The following ZNF516 variants were observed in gnomAD, a reference collection of about 807,000 sequenced individuals.
ZNF516 encodes zinc finger protein 516.
In ZNF516, 19 loss-of-function variants were observed where a neutral mutation model predicts 79.7. The observed-to-expected ratio is 0.24, with a 90% CI of 0.17 to 0.35. ZNF516 has a LOEUF of 0.35. Among genes scored for constraint, ZNF516 ranks in the 10% least tolerant of loss-of-function variants. The pLI, the probability that ZNF516 is intolerant of heterozygous loss-of-function variation, is 1.00. For missense variants in ZNF516, 1,678 were observed against 1,679.5 expected (o/e 1.00, Z 0.02); for synonymous variants, 877 against 739.5 (o/e 1.19, Z -3.02).
intron 1 of ZNF516, among the ~76,000 whole-genome samples, chr18:76,472,479 G>A (rs1651899591): frequency 6.6e-6 from 1 of 152,202 alleles, no homozygotes; most frequent in Non-Finnish European, 1.5e-5. Flanking sequence ...GTATATACAC[G>A]TACACTCAGG....
chr18:76,422,367 G>A (rs887060880), intron 3 of ZNF516, among the ~76,000 whole-genome samples: 4 of 152,206 alleles, frequency 2.6e-5, no homozygotes, highest in Non-Finnish European at 5.9e-5. Context: ...TGATGACCAT[G>A]TACTCATACA....
intron 2 of ZNF516, among the ~76,000 whole-genome samples, chr18:76,449,711 A>G (rs181381965): frequency 6.6e-6 from 1 of 152,398 alleles, no homozygotes; most frequent in East Asian, 1.9e-4. Flanking sequence ...AGACGGGATT[A>G]ATAAGTAATT....
In ZNF516 at chr18:76,378,898, G is replaced by A; in HGVS notation, c.3216C>T (p.Leu1072=). Residue 1072 remains leucine (L), a synonymous_variant, in exon 4 of 7, where the codon CTC becomes CTT. Coordinates refer to ENST00000443185, the MANE Select transcript of ZNF516 (RefSeq NM_014643.4). ...KTYIPKDFAT[L]YQGWGVSGPG... ...GGCCGCTGACACCCCATCCCTGGTAGAGGGTCGCAAAGTCCTTTGGAATGT... is the reference window on the plus strand; with the variant it reads ...GGCCGCTGACACCCCATCCCTGGTAAAGGGTCGCAAAGTCCTTTGGAATGT... 6.2e-7 allele frequency: 1 copy of A among 1,613,762 alleles called. No homozygotes were observed. The highest frequency in any genetic ancestry group is 2.2e-5 in the East Asian group (1 of 44,880).
At position 76,456,603 on chromosome 18, in the gene ZNF516, G is replaced by C. The variant is rs74648617; in HGVS notation, c.-158+6425C>G. ...ATCCACAGCCCAGGCTTCCTCCCGG[G>C]AATGTGTGTGTGGCTCATCCTCACT... On this transcript the variant is annotated intron_variant, in intron 2 of 6. Coordinates refer to ENST00000443185, the MANE Select transcript of ZNF516 (RefSeq NM_014643.4). Among the ~76,000 whole-genome samples the C allele has an allele frequency of 1.3e-3, 195 of 152,226 alleles. 2 individuals carry two copies. The highest frequency in any genetic ancestry group is 4.3e-3 in the African/African-American group (178 of 41,512).
chr18:76,438,711 C>A (rs1482105975), intron 3 of ZNF516, among the ~76,000 whole-genome samples: 1 of 152,188 alleles, frequency 6.6e-6, no homozygotes, highest in Non-Finnish European at 1.5e-5. Flanking sequence ...GTTTCTTTCA[C>A]TTAATCTAAT....
chr18:76,372,000 G>A (rs767537669), intron 4 of ZNF516, among the ~76,000 whole-genome samples: 5 of 152,154 alleles, frequency 3.3e-5, no homozygotes, highest in East Asian at 1.9e-4. Flanking sequence ...TGACCCGGCC[G>A]CGATCCTGGG....
chr18:76,461,569 G>A (rs953439285), intron 2 of ZNF516, among the ~76,000 whole-genome samples: 1 of 152,188 alleles, frequency 6.6e-6, no homozygotes, highest in Non-Finnish European at 1.5e-5. Context: ...TATAACTTCT[G>A]CAATTGTCAG....
intron 1 of ZNF516, among the ~76,000 whole-genome samples, chr18:76,485,448 C>T (rs1188067188): frequency 6.6e-6 from 1 of 152,186 alleles, no homozygotes; most frequent in Non-Finnish European, 1.5e-5. Context: ...CCCCAGCCCA[C>T]CTTTCAGTCC....
intron 3 of ZNF516, among the ~76,000 whole-genome samples, chr18:76,413,350 C>T (rs1473942354): frequency 3.3e-5 from 5 of 152,254 alleles, no homozygotes; most frequent in East Asian, 3.9e-4. Flanking sequence ...CTCTGGCGGA[C>T]GCCAGGCTCC....
intron 3 of ZNF516, among the ~76,000 whole-genome samples, chr18:76,390,453 C>T (rs1438180059): frequency 6.6e-6 from 1 of 152,212 alleles, no homozygotes; most frequent in Non-Finnish European, 1.5e-5. Context: ...GCAGGTCACC[C>T]AGGGAGGCCA....
chr18:76,467,243 C>CTTGTCCCAGAGAGGAAATGAT lies in ZNF516; in HGVS notation c.-271-4103_-271-4102insATCATTTCCTCTCTGGGACAA. 2.2e-4 allele frequency among the ~76,000 whole-genome samples: 1 copy of CTTGTCCCAGAGAGGAAATGAT among 4,638 alleles called. No homozygotes were observed. Among genetic ancestry groups the CTTGTCCCAGAGAGGAAATGAT allele is most frequent in the African/African-American group, 2.7e-4 (1 of 3,700 alleles). 3.0% of individuals were successfully genotyped at this position (4,638 alleles called of 152,430 possible). A position where few individuals can be genotyped will look rare whatever the true frequency, so the allele number is the denominator to read the frequency against. On this transcript the variant is annotated intron_variant, in intron 1 of 6. Transcript: ENST00000443185. The surrounding 1 kb of genome is among the most constrained non-coding windows in gnomAD (Gnocchi z 4.2). ...GGCTGGCAGGAAGTCCTGCGTGTCTCTCGGAACCTGCAGCTGACAGCCCCT... is the reference window on the plus strand; with the variant it reads ...GGCTGGCAGGAAGTCCTGCGTGTCTCTTGTCCCAGAGAGGAAATGATTCGGAACCTGCAGCTGACAGCCCCT...
In ZNF516 at chr18:76,379,118, G is replaced by A; in HGVS notation, c.2996C>T (p.Pro999Leu). 6.2e-7 allele frequency: 1 copy of A among 1,612,420 alleles called. No individual in the cohort carries two copies. Among genetic ancestry groups the A allele is most frequent in the Non-Finnish European group, 8.5e-7 (1 of 1,179,698 alleles). Residue 999 changes from proline to leucine, a missense_variant, in exon 4 of 7, where the codon CCC (proline) becomes CTC (leucine). By Grantham distance (98) the Pro-to-Leu change is moderately conservative. Coordinates refer to ENST00000443185, the MANE Select transcript of ZNF516 (RefSeq NM_014643.4). ...KGEGGAPPLP[P>L]REPPSKAAQE... ...GGCTGCCTTCGAGGGGGGCTCGCGG[G>A]GAGGTAGAGGAGGAGCGCCCCCTTC... is the stretch of plus-strand genomic sequence containing the variant.
intron 2 of ZNF516, among the ~76,000 whole-genome samples, chr18:76,462,026 C>A (rs970386735): frequency 2.6e-5 from 4 of 152,234 alleles, no homozygotes; most frequent in African/African-American, 9.6e-5. Flanking sequence ...CTGGCTCCCA[C>A]CCTTCCCACA....
chr18:76,366,185 A>T (rs2074608891), intron 6 of ZNF516, among the ~76,000 whole-genome samples: 1 of 152,132 alleles, frequency 6.6e-6, no homozygotes. Context: ...CCTGATTCTA[A>T]CCTATGGTGA....
At chr18:76,480,000 A>G (rs1347435329) in intron 1 of ZNF516, among the ~76,000 whole-genome samples, 3 of 152,146 alleles carry the variant, frequency 2.0e-5, no homozygotes, top group African/African-American at 7.2e-5. Flanking sequence ...AAACAGAGGA[A>G]CCTGCCTGGA....
At chr18:76,489,748 A>G (rs961704920) in intron 1 of ZNF516, among the ~76,000 whole-genome samples, 3 of 152,238 alleles carry the variant, frequency 2.0e-5, no homozygotes, top group African/African-American at 4.8e-5. Flanking sequence ...TAGCAGACAC[A>G]TTTCTCAAAG....
At chr18:76,371,443 G>A (rs1330848552) in intron 5 of ZNF516, 24 bp downstream of exon 5, 12 of 1,592,498 alleles carry the variant, frequency 7.5e-6, no homozygotes, top group Non-Finnish European at 4.3e-6. Flanking sequence ...TCCCCTTGGG[G>A]ATAGCTGGGC....
At chr18:76,470,771 T>G (rs1913782213) in intron 1 of ZNF516, among the ~76,000 whole-genome samples, 1 of 152,140 alleles carries the variant, frequency 6.6e-6, no homozygotes, top group African/African-American at 2.4e-5. Flanking sequence ...TCCCAGCACT[T>G]TGGGAGGTCG....
chr18:76,448,868 G>A (rs1017242856), intron 2 of ZNF516, among the ~76,000 whole-genome samples: 10 of 152,276 alleles, frequency 6.6e-5, no homozygotes, highest in South Asian at 2.1e-4. Flanking sequence ...TGCTGGCAGC[G>A]CACCAGTAAG....
Sources: gnomAD v4.1 joint callset for allele counts (sites outside exome capture counted in the v4.1 genomes callset) on GRCh38, gnomAD v4.1.1 for gene constraint, Gnocchi (gnomAD v3.1) non-coding constraint, MANE v1.5 for transcripts, NCBI Gene and HGNC (gene_info 2026-07-23, HGNC 2026-07-21) for gene names.